Variants in CCDC141 observed in about 807,000 individuals in gnomAD.
CCDC141 encodes the protein coiled-coil domain-containing protein 141.
A neutral mutation model predicts 181.0 loss-of-function variants in CCDC141; 168 were observed. The ratio of observed to expected loss-of-function variants is 0.93; its 90% CI spans 0.82 to 1.05. CCDC141 has a LOEUF of 1.05. CCDC141 is among the 50% of genes least tolerant of loss of function. The pLI is 0.00. For missense variants in CCDC141, 1,902 were observed against 1,788.5 expected (o/e 1.06, Z -1.14); for synonymous variants, 666 against 642.3 (o/e 1.04, Z -0.56).
rs143334571 is a variant in CCDC141, at chr2:178,950,333, G to GTT, written c.781-5684_781-5683dup. Among the ~76,000 whole-genome samples the GTT allele has an allele frequency of 3.3e-5, 5 of 151,252 alleles. No homozygotes were observed. In the East Asian group the frequency reaches 9.7e-4, roughly 29 times the overall value. On this transcript the variant is annotated intron_variant, in intron 5 of 23. Coordinates refer to ENST00000443758, the MANE Select transcript of CCDC141 (RefSeq NM_173648.4). ...AAGGCATGTTTCCATAGGGCTTTGG[G>GTT]TTTTTTTTTCTTTTTTTACAGTAGG...
intron 6 of CCDC141, among the ~76,000 whole-genome samples, chr2:178,931,848 G>A (rs1689112595): frequency 1.3e-5 from 2 of 152,040 alleles, no homozygotes; most frequent in African/African-American, 4.8e-5. Flanking sequence ...TTGTGTTTCT[G>A]TTGTGTGAGG....
intron 4 of CCDC141, 63 bp downstream of exon 4, chr2:178,974,994 T>C (rs924780458): frequency 1.3e-6 from 1 of 750,832 alleles, no homozygotes; most frequent in Non-Finnish European, 2.1e-6. Flanking sequence ...TACATAAGCA[T>C]TCTCACATTA....
chr2:178,817,263 G>C, the CCDC141 span, among the ~76,000 whole-genome samples: 1 of 152,126 alleles, frequency 6.6e-6, no homozygotes, highest in South Asian at 2.1e-4. Context: ...GCTTCTGTCT[G>C]AAATGTGCCA....
intron 6 of CCDC141, among the ~76,000 whole-genome samples, chr2:178,941,157 A>G (rs572768144): frequency 1.3e-5 from 2 of 152,278 alleles, no homozygotes; most frequent in Non-Finnish European, 2.9e-5. Flanking sequence ...CTCATCATAG[A>G]CAGCCTGGTC....
rs1291063358 is a variant in CCDC141, at chr2:178,918,822, T to C, written c.983A>G (p.Gln328Arg). The C allele has an allele frequency of 5.2e-6, 8 of 1,550,514 alleles. No homozygotes were observed. The highest frequency in any genetic ancestry group is 1.4e-5 in the African/African-American group (1 of 73,060). ...CTGACTGAGTTTCTGGTGAGAGAGC[T>C]GGAGGTGTTCTTTCTCCACGTAGTC... The part of the protein sequence containing the change: ...SKDYVEKEHL[Q>R]LSHQKLSQLQ... Residue 328 changes from glutamine to arginine, a missense_variant, in exon 7 of 24, where the codon CAG becomes CGG. Physicochemically the swap from Gln to Arg is conservative, Grantham distance 43. Transcript: ENST00000443758.
the CCDC141 span, among the ~76,000 whole-genome samples, chr2:178,824,398 G>A: frequency 3.9e-5 from 6 of 152,120 alleles, no homozygotes; most frequent in South Asian, 6.2e-4. Flanking sequence ...TGAGGCAGGC[G>A]GATCACCTGA....
chr2:178,855,423 T>A lies in CCDC141; in HGVS notation c.2984A>T (p.Asp995Val), dbSNP rs1685339690. ...ATCTGTCACAACTTTGTCAAAGTCA[T>A]CCACATGTTTTTGCAAATCCTTCAT... Reference protein sequence around the residue: ...EVMKDLQKHVDDFDKVVTDYK... With the variant: ...EVMKDLQKHVVDFDKVVTDYK... The change falls in exon 19 of 24, where the codon GAT (aspartate) becomes GTT (valine). Residue 995 changes from aspartate (D) to valine (V), a missense_variant. Physicochemically the swap from Asp to Val is radical, Grantham distance 152 (BLOSUM62 -3). Transcript: ENST00000443758. The A allele has an allele frequency of 6.2e-7, 1 of 1,611,940 alleles. No individual in the cohort carries two copies. The highest frequency in any genetic ancestry group is 1.7e-5 in the Admixed American group (1 of 59,580).
At chr2:179,048,407 C>T (rs1474553733) in intron 1 of CCDC141, among the ~76,000 whole-genome samples, 1 of 152,080 alleles carries the variant, frequency 6.6e-6, no homozygotes, top group Non-Finnish European at 1.5e-5. Context: ...AAACACAATT[C>T]AGTTAAAATA....
intron 2 of CCDC141, among the ~76,000 whole-genome samples, chr2:179,027,825 C>T (rs1195276609): frequency 1.3e-5 from 2 of 152,020 alleles, no homozygotes; most frequent in Non-Finnish European, 2.9e-5. Context: ...TGTAAACTGC[C>T]CAGTCTTGGT....
rs1234209323 is a variant in CCDC141 at position 178,856,366 on chromosome 2, TTC to T, written c.2754_2755del (p.Lys919IlefsTer3). ...GTAATTAAACTTCAAATTATTGAAT[TTC>T]TTTTTGATATCTTTGAATGAGTCTT... On this transcript the variant is annotated frameshift_variant, in exon 18 of 24. Coordinates refer to ENST00000443758, the MANE Select transcript of CCDC141 (RefSeq NM_173648.4). LOFTEE classifies it high-confidence loss of function. 2 of 1,601,190 alleles carry T rather than the reference TTC, an allele frequency of 1.2e-6. No individual in the cohort carries two copies. The highest frequency in any genetic ancestry group is 1.7e-4 in the Middle Eastern group (1 of 5,748).
intron 4 of CCDC141, among the ~76,000 whole-genome samples, chr2:178,966,275 C>G (rs1171886840): frequency 6.6e-6 from 1 of 152,226 alleles, no homozygotes. Context: ...TGATAAGGGT[C>G]AGACTGTCTC....
intron 8 of CCDC141, among the ~76,000 whole-genome samples, chr2:178,894,628 T>C (rs750568819): frequency 6.6e-6 from 1 of 151,684 alleles, no homozygotes; most frequent in Non-Finnish European, 1.5e-5. Context: ...AAACAATATA[T>C]TTTCTAAAAT....
chr2:178,821,871 T>C, the CCDC141 span, among the ~76,000 whole-genome samples: 2 of 152,168 alleles, frequency 1.3e-5, no homozygotes, highest in Non-Finnish European at 2.9e-5. Context: ...GATCTAGAAC[T>C]AGAAATACCA....
At chr2:178,827,295 G>A (rs137899092), downstream of CCDC141, among the ~76,000 whole-genome samples, 22 of 152,232 alleles carry the variant, frequency 1.4e-4, no homozygotes, top group African/African-American at 4.1e-4. Context: ...AATGCTCCAC[G>A]TGAGCATGAG....
chr2:178,934,363 T>C (rs1689207404), intron 6 of CCDC141, among the ~76,000 whole-genome samples: 1 of 152,202 alleles, frequency 6.6e-6, no homozygotes, highest in African/African-American at 2.4e-5. Context: ...TACAACAAAT[T>C]CTGAGTTTCA....
chr2:178,844,102 TA>T (rs1249805517), intron 22 of CCDC141, among the ~76,000 whole-genome samples: 2 of 152,232 alleles, frequency 1.3e-5, no homozygotes, highest in African/African-American at 2.4e-5. Flanking sequence ...CTACTTTTAC[TA>T]AGTATAAATT....
chr2:178,888,001 A>G (rs1686967535), intron 9 of CCDC141, among the ~76,000 whole-genome samples: 1 of 152,226 alleles, frequency 6.6e-6, no homozygotes, highest in Non-Finnish European at 1.5e-5. Flanking sequence ...CTCTGCAGAG[A>G]GGATTTTCAC....
the CCDC141 span, among the ~76,000 whole-genome samples, chr2:178,817,129 C>T: frequency 6.6e-6 from 1 of 152,148 alleles, no homozygotes; most frequent in Non-Finnish European, 1.5e-5. Context: ...GGATAACCTC[C>T]ACAAAAGAGT....
intron 1 of CCDC141, among the ~76,000 whole-genome samples, 199 bp downstream of exon 1, chr2:179,049,641 G>A (rs895157230): frequency 1.4e-5 from 2 of 146,952 alleles, no homozygotes; most frequent in East Asian, 3.9e-4. Flanking sequence ...CTGGCTGACT[G>A]AAAGGAAAGA....
Sources: allele counts gnomAD v4.1 joint callset (sites outside exome capture counted in the v4.1 genomes callset), GRCh38; gene constraint gnomAD v4.1.1; transcripts MANE v1.5; gene names NCBI Gene and HGNC (gene_info 2026-07-23, HGNC 2026-07-21).